GPC6: variants seen among roughly 807,000 people sequenced by gnomAD.
GPC6 encodes the protein glypican 6, also known as glypican-6.
A neutral mutation model predicts 55.2 loss-of-function variants in GPC6; 14 were observed. The observed-to-expected ratio is 0.25, with a 90% CI of 0.17 to 0.40. The LOEUF (loss-of-function observed/expected upper bound fraction) is 0.40. Among genes scored for constraint, GPC6 ranks in the 10% least tolerant of loss-of-function variants. GPC6 has a pLI of 1.00. For synonymous variants in GPC6, 278 were observed against 259.6 expected (o/e 1.07, Z -0.68); for missense variants, 641 against 708.5 (o/e 0.90, Z 1.08).
chr13:93,641,204 C>T (rs942832881), intron 2 of GPC6, among the ~76,000 whole-genome samples: 1 of 152,000 alleles, frequency 6.6e-6, no homozygotes, highest in African/African-American at 2.4e-5. Flanking sequence ...CTTGCTCTTA[C>T]ACTGCATTCA....
intron 2 of GPC6, among the ~76,000 whole-genome samples, chr13:93,823,768 C>T (rs537246969): frequency 6.6e-6 from 1 of 152,224 alleles, no homozygotes; most frequent in South Asian, 2.1e-4. Context: ...TTCTAATAAC[C>T]TCTCAAACAG....
intron 3 of GPC6, among the ~76,000 whole-genome samples, chr13:94,018,806 G>T (rs1398721843): frequency 6.6e-6 from 1 of 152,140 alleles, no homozygotes; most frequent in Admixed American, 6.5e-5. Context: ...GATCAGTGGG[G>T]CAATAGATTC....
intron 4 of GPC6, among the ~76,000 whole-genome samples, chr13:94,184,065 G>A (rs1012932764): frequency 3.9e-5 from 6 of 151,972 alleles, no homozygotes; most frequent in South Asian, 2.1e-4. Flanking sequence ...AGAATGAAAC[G>A]GTTTCATTCT....
intron 3 of GPC6, among the ~76,000 whole-genome samples, chr13:93,879,131 C>T: frequency 6.6e-6 from 1 of 152,064 alleles, no homozygotes; most frequent in East Asian, 1.9e-4. Flanking sequence ...CGCATCGGCT[C>T]CTGAGGCTTC....
intron 1 of GPC6, among the ~76,000 whole-genome samples, chr13:93,266,555 A>G (rs1594061541): frequency 6.6e-6 from 1 of 152,210 alleles, no homozygotes; most frequent in Non-Finnish European, 1.5e-5. Context: ...TATGGCCAAT[A>G]TTTAATTGCC....
intron 1 of GPC6, among the ~76,000 whole-genome samples, chr13:93,243,680 G>T (rs914803877): frequency 1.3e-5 from 2 of 152,174 alleles, no homozygotes; most frequent in Non-Finnish European, 2.9e-5. Flanking sequence ...TTTCTCACTT[G>T]CCAGCTGTAG....
intron 4 of GPC6, among the ~76,000 whole-genome samples, chr13:94,137,093 A>G (rs1293212722): frequency 1.3e-5 from 2 of 152,238 alleles, no homozygotes; most frequent in Non-Finnish European, 2.9e-5. Context: ...CAGTGTCTCA[A>G]TTATTTCTAG....
intron 1 of GPC6, among the ~76,000 whole-genome samples, chr13:93,533,444 C>T (rs9561387): frequency 2.0e-5 from 3 of 152,230 alleles, no homozygotes; most frequent in South Asian, 2.1e-4. Context: ...GGAGACATGT[C>T]GAATGATGAG....
intron 3 of GPC6, among the ~76,000 whole-genome samples, chr13:93,973,681 C>T (rs1470476276): frequency 6.6e-6 from 1 of 152,080 alleles, no homozygotes; most frequent in Non-Finnish European, 1.5e-5. Context: ...GATTTGAGTG[C>T]CTTTCTCACC....
intron 1 of GPC6, among the ~76,000 whole-genome samples, chr13:93,519,989 C>A (rs1278101453): frequency 6.6e-6 from 1 of 151,956 alleles, no homozygotes; most frequent in Admixed American, 6.6e-5. Context: ...TATTTGACAT[C>A]TTAATTTTCT....
At chr13:93,998,547 A>G (rs180779907) in intron 3 of GPC6, among the ~76,000 whole-genome samples, 1 of 152,268 alleles carries the variant, frequency 6.6e-6, no homozygotes, top group African/African-American at 2.4e-5. Flanking sequence ...TTACTGTCAG[A>G]TGTGGTCTCA....
Position 94,407,647 on chromosome 13 carries a change from G to A in GPC6, c.*4430G>A, listed in dbSNP as rs1307643544. Among the ~76,000 whole-genome samples, 1 of 152,146 alleles carries A rather than the reference G, an allele frequency of 6.6e-6. No individual in the cohort carries two copies. The highest frequency in any genetic ancestry group is 1.5e-5 in the Non-Finnish European group (1 of 67,992). On this transcript the variant is annotated 3_prime_UTR_variant, in exon 9 of 9. Transcript: ENST00000377047. The stretch of plus-strand genomic sequence containing the variant: ...TACTGTAGCGCTGTTCTTTTGTACT[G>A]ATTTCTTCTCAGAGGATAAATTTAG...
chr13:94,300,867 T>A (rs1487183137), intron 5 of GPC6, among the ~76,000 whole-genome samples: 9 of 152,140 alleles, frequency 5.9e-5, no homozygotes, highest in African/African-American at 2.2e-4. Flanking sequence ...AAAGAAGCCC[T>A]TTAGTGTCTT....
chr13:93,246,789 CAAAAAAAAAAAA>C (rs767827311), intron 1 of GPC6, among the ~76,000 whole-genome samples: 4 of 40,856 alleles, frequency 9.8e-5, no homozygotes, highest in Admixed American at 3.9e-4. Flanking sequence ...AAGACTGTCT[CAAAAAAAAAAAA>C]AAAAAAAAAA....
intron 1 of GPC6, among the ~76,000 whole-genome samples, chr13:93,525,666 C>T (rs1881617560): frequency 6.6e-6 from 1 of 151,838 alleles, no homozygotes; most frequent in South Asian, 2.1e-4. Context: ...AAGTACTTAA[C>T]AAAAAAAGGC....
intron 2 of GPC6, among the ~76,000 whole-genome samples, chr13:93,560,207 A>T (rs900454702): frequency 4.6e-5 from 7 of 152,086 alleles, no homozygotes; most frequent in East Asian, 1.9e-4. Context: ...AAAGTATTTT[A>T]AAAAAGGAAA....
At chr13:94,058,493 T>C (rs1224682719) in intron 4 of GPC6, among the ~76,000 whole-genome samples, 1 of 152,308 alleles carries the variant, frequency 6.6e-6, no homozygotes, top group South Asian at 2.1e-4. Flanking sequence ...TCCCAGAGGT[T>C]ATTTTGGTGT....
chr13:94,012,349 A>C (rs1238975749), intron 3 of GPC6, among the ~76,000 whole-genome samples: 2 of 152,138 alleles, frequency 1.3e-5, no homozygotes, highest in African/African-American at 4.8e-5. Flanking sequence ...ATGGAATCCC[A>C]CTGCTGCTTT....
At chr13:93,352,698 G>A (rs1198001238) in intron 1 of GPC6, among the ~76,000 whole-genome samples, 3 of 152,104 alleles carry the variant, frequency 2.0e-5, no homozygotes, top group Non-Finnish European at 4.4e-5. Flanking sequence ...AGGTAAGCAG[G>A]TCCCAGATTT....
Sources: gnomAD v4.1 joint callset for allele counts (sites outside exome capture counted in the v4.1 genomes callset) on GRCh38, gnomAD v4.1.1 for gene constraint, MANE v1.5 for transcripts, NCBI Gene and HGNC (gene_info 2026-07-23, HGNC 2026-07-21) for gene names.